STN1: variants seen among roughly 807,000 people sequenced by gnomAD.
STN1 encodes the protein CST complex subunit STN1.
In STN1, 29 loss-of-function variants were observed where a neutral mutation model predicts 45.5. That is an observed-to-expected ratio of 0.64 (90% confidence interval 0.47 to 0.87). The LOEUF (loss-of-function observed/expected upper bound fraction) is 0.87, where lower values mean the gene tolerates loss of function less well. STN1 is among the 40% of genes least tolerant of loss of function. The pLI, the probability that STN1 is intolerant of heterozygous loss-of-function variation, is 0.00. For synonymous variants in STN1, 148 were observed against 159.0 expected (o/e 0.93, Z 0.52); for missense variants, 376 against 441.4 (o/e 0.85, Z 1.33).
chr10:103,900,092 CTCTG>C lies in STN1; in HGVS notation c.423_426del (p.Tyr141Ter). 6.2e-7 allele frequency: 1 copy of C among 1,614,158 alleles called. No individual in the cohort carries two copies. The highest frequency in any genetic ancestry group is 1.1e-5 in the South Asian group (1 of 91,086). Reference sequence around the variant, plus strand: ...GTGGTGGCATGAATCTCTCGCTCTTCTCTGTATGTGCGGATACTGCCTCTGACTC... The same window carrying C: ...GTGGTGGCATGAATCTCTCGCTCTTCTATGTGCGGATACTGCCTCTGACTC... On this transcript the variant is annotated frameshift_variant, in exon 5 of 10. Coordinates refer to ENST00000224950, the MANE Select transcript of STN1 (RefSeq NM_024928.5). LOFTEE classifies it high-confidence loss of function.
chr10:103,892,437 G>A lies in STN1; in HGVS notation c.754-185C>T, dbSNP rs181947885. 4.0e-4 allele frequency among the ~76,000 whole-genome samples: 61 copies of A among 151,744 alleles called. 1 individual carries two copies. Among genetic ancestry groups the A allele is most frequent in the Admixed American group, 2.7e-3 (41 of 15,248 alleles). ...TAAGGAGGACTGAGAAGTGTGCCCC[G>A]GCAGGTCACCTTTCATAACTGTTCC... On this transcript the variant is annotated intron_variant, in intron 7 of 9. Coordinates refer to ENST00000224950, the MANE Select transcript of STN1 (RefSeq NM_024928.5).
chr10:103,917,839 G>C (rs927592278), intron 1 of STN1, among the ~76,000 whole-genome samples, 183 bp from the exon 2 acceptor site: 1 of 152,232 alleles, frequency 6.6e-6, no homozygotes, highest in Non-Finnish European at 1.5e-5. Flanking sequence ...GGACGCCTGC[G>C]TTCCTTACGG....
intron 7 of STN1, among the ~76,000 whole-genome samples, chr10:103,896,882 T>A (rs1843174489): frequency 6.6e-6 from 1 of 152,030 alleles, no homozygotes; most frequent in Non-Finnish European, 1.5e-5. Context: ...TAGAAAAAAA[T>A]AATAATAGTC....
chr10:103,902,188 G>A (rs1053176345), intron 4 of STN1, among the ~76,000 whole-genome samples: 2 of 152,176 alleles, frequency 1.3e-5, no homozygotes, highest in Admixed American at 6.5e-5. Flanking sequence ...CATTCAGTGA[G>A]TCCAGGTAGG....
intron 4 of STN1, among the ~76,000 whole-genome samples, chr10:103,900,721 C>A (rs1361309293): frequency 6.6e-6 from 1 of 150,856 alleles, no homozygotes; most frequent in Admixed American, 6.6e-5. Context: ...CTCACACACA[C>A]ACACACACAC....
At chr10:103,905,231 AGCCATACTGAAAG>A in intron 3 of STN1, 75 bp from the exon 4 acceptor site, 3 of 1,271,624 alleles carry the variant, frequency 2.4e-6, no homozygotes, top group Middle Eastern at 1.9e-4. Flanking sequence ...CATTGCATTC[AGCCATACTGAAAG>A]ATGACCTCTT....
Position 103,897,497 on chromosome 10 carries a change from G to T in STN1, c.753+51C>A, listed in dbSNP as rs746143778. ...GTCACTTTCACCCACACCTGCAGTT[G>T]CAGATCTGGGGCAGGGAACCAGAAT... On this transcript the variant is annotated intron_variant, in intron 7 of 9. Transcript: ENST00000224950. The T allele has an allele frequency of 7.9e-6, 12 of 1,519,084 alleles. No homozygotes were observed. In the South Asian group the frequency reaches 1.0e-4, roughly 13 times the overall value. 94.1% of individuals were successfully genotyped at this position (1,519,084 alleles called of 1,614,324 possible).
At chr10:103,893,748 C>T (rs1452069998) in intron 7 of STN1, among the ~76,000 whole-genome samples, 1 of 152,174 alleles carries the variant, frequency 6.6e-6, no homozygotes, top group South Asian at 2.1e-4. Flanking sequence ...TAGAAGAGAC[C>T]TCCCAAACAG....
intron 4 of STN1, among the ~76,000 whole-genome samples, 199 bp from the exon 5 acceptor site, chr10:103,900,422 G>C (rs1843201069): frequency 6.6e-6 from 1 of 152,182 alleles, no homozygotes; most frequent in Non-Finnish European, 1.5e-5. Context: ...AATTATTCAA[G>C]AGCGGGGTGA....
At position 103,881,266 on chromosome 10, in the gene STN1, T is replaced by C. The variant is rs1843066993; in HGVS notation, c.*1418A>G. On this transcript the variant is annotated 3_prime_UTR_variant, in exon 10 of 10. Coordinates refer to ENST00000224950, the MANE Select transcript of STN1 (RefSeq NM_024928.5). ...GATAAACCCCTAAGAGCAGAGTTGC[T>C]ATAGGCAAGGGTATGCCCTTTTTAC... is the stretch of plus-strand genomic sequence containing the variant. Among the ~76,000 whole-genome samples, 1 of 152,242 alleles carries C rather than the reference T, an allele frequency of 6.6e-6. No homozygotes were observed. The highest frequency in any genetic ancestry group is 1.5e-5 in the Non-Finnish European group (1 of 68,034).
At chr10:103,888,999 C>T in intron 9 of STN1, 73 bp downstream of exon 9, 1 of 1,061,188 alleles carries the variant, frequency 9.4e-7, no homozygotes, top group Non-Finnish European at 1.5e-6. Context: ...CCTGACTCTC[C>T]ATCCAGTGCT....
rs1564635190 is a variant in STN1 at position 103,909,516 on chromosome 10, A to ATATG, written c.229+1010_229+1011insCATA. On this transcript the variant is annotated intron_variant, in intron 3 of 9. Transcript: ENST00000224950. The stretch of plus-strand genomic sequence containing the variant: ...TGTGTGTATATGTATATATGTATAT[A>ATATG]TGTATATATATGTACATATATATGT... Among the ~76,000 whole-genome samples, 40 of 25,360 alleles carry ATATG rather than the reference A, an allele frequency of 1.6e-3. 3 individuals are homozygous for ATATG. Among genetic ancestry groups the ATATG allele is most frequent in the Admixed American group, 4.8e-3 (5 of 1,040 alleles). The allele number at this position is 25,360 out of a possible 152,430, so 16.6% of individuals were successfully genotyped here. A position where few individuals can be genotyped will look rare whatever the true frequency, so the allele number is the denominator to read the frequency against.
At chr10:103,905,019 G>A (rs1163560477) in intron 4 of STN1, 72 bp downstream of exon 4, 1 of 1,370,498 alleles carries the variant, frequency 7.3e-7, no homozygotes, top group African/African-American at 1.4e-5. Context: ...CCCTATAGCT[G>A]TTTTGATGAA....
At chr10:103,889,195 G>A in intron 8 of STN1, 51 bp from the exon 9 acceptor site, 1 of 1,192,368 alleles carries the variant, frequency 8.4e-7, no homozygotes, top group Non-Finnish European at 1.3e-6. Context: ...TAACACAGCA[G>A]TTGTGTCATC....
chr10:103,889,174 G>C, intron 8 of STN1, 30 bp from the exon 9 acceptor site: 1 of 1,427,160 alleles, frequency 7.0e-7, no homozygotes, highest in Non-Finnish European at 9.9e-7. Flanking sequence ...GAGAGAGAGA[G>C]TGTTCTTAGG....
At chr10:103,916,038 G>A (rs949947368) in intron 2 of STN1, among the ~76,000 whole-genome samples, 1 of 152,200 alleles carries the variant, frequency 6.6e-6, no homozygotes, top group Non-Finnish European at 1.5e-5. Flanking sequence ...GTTCCTAATG[G>A]CCATGTACCA....
At chr10:103,906,159 T>C (rs1170401153) in intron 3 of STN1, among the ~76,000 whole-genome samples, 2 of 152,150 alleles carry the variant, frequency 1.3e-5, no homozygotes, top group African/African-American at 4.8e-5. Context: ...TTTCATTTTA[T>C]TAAATATAAA....
chr10:103,909,369 T>A (rs866509476), intron 3 of STN1, among the ~76,000 whole-genome samples: 1,366 of 123,070 alleles, frequency 0.011, 101 homozygotes, highest in African/African-American at 0.035. Context: ...AAAAAAAATA[T>A]ATATATATAT....
At chr10:103,892,457 T>G (rs1477715559) in intron 7 of STN1, among the ~76,000 whole-genome samples, 2 of 151,924 alleles carry the variant, frequency 1.3e-5, no homozygotes, top group East Asian at 3.9e-4. Flanking sequence ...CTTTCATAAC[T>G]GTTCCCTACC....
Sources: gnomAD v4.1 joint callset for allele counts (sites outside exome capture counted in the v4.1 genomes callset) on GRCh38, gnomAD v4.1.1 for gene constraint, MANE v1.5 for transcripts, NCBI Gene and HGNC (gene_info 2026-07-23, HGNC 2026-07-21) for gene names.